Variants in LHCGR observed in about 807,000 individuals in gnomAD.
LHCGR encodes the protein lutropin-choriogonadotropic hormone receptor.
In LHCGR, 55 loss-of-function variants were observed where a neutral mutation model predicts 60.7. The ratio of observed to expected loss-of-function variants is 0.91; its 90% CI spans 0.73 to 1.13. LHCGR has a LOEUF of 1.13. Among genes scored for constraint, LHCGR ranks in the 50% most tolerant of loss-of-function variants. The probability of loss-of-function intolerance (pLI) is 0.00; values close to 1 mark genes in which losing one functional copy is unlikely to be tolerated. For synonymous variants in LHCGR, 337 were observed against 316.5 expected (o/e 1.06, Z -0.69); for missense variants, 862 against 836.0 (o/e 1.03, Z -0.38).
rs950864978 is a variant in LHCGR, at chr2:48,687,395, A to G, written c.*302T>C. ...ACAAATTACGAAAATGAAAAAAAAGATATGCAAAATACCTCCTCAGTTTTT... is the reference window on the plus strand; with the variant it reads ...ACAAATTACGAAAATGAAAAAAAAGGTATGCAAAATACCTCCTCAGTTTTT... On this transcript the variant is annotated 3_prime_UTR_variant, in exon 11 of 11. Coordinates refer to ENST00000294954, the MANE Select transcript of LHCGR (RefSeq NM_000233.4). 3.1e-6 allele frequency: 1 copy of G among 323,122 alleles called. No individual in the cohort carries two copies. The highest frequency in any genetic ancestry group is 5.7e-6 in the Non-Finnish European group (1 of 174,772). The allele number at this position is 323,122 out of a possible 1,614,324, so 20.0% of individuals were successfully genotyped here. A position where few individuals can be genotyped will look rare whatever the true frequency, so the allele number is the denominator to read the frequency against.
At chr2:48,708,700 C>T in intron 8 of LHCGR, 1 of 585,818 alleles carries the variant, frequency 1.7e-6, no homozygotes. Flanking sequence ...GAGCCAACCC[C>T]TGCTGACACC....
At chr2:48,719,179 G>A (rs529591556) in intron 6 of LHCGR, among the ~76,000 whole-genome samples, 2 of 152,172 alleles carry the variant, frequency 1.3e-5, no homozygotes, top group East Asian at 1.9e-4. Context: ...AAAATTAGCC[G>A]GGCATGGTGG....
At chr2:48,722,170 C>T (rs1668528343) in intron 6 of LHCGR, among the ~76,000 whole-genome samples, 1 of 152,028 alleles carries the variant, frequency 6.6e-6, no homozygotes, top group Admixed American at 6.6e-5. Flanking sequence ...ATATGCTGCC[C>T]AGGATGCTGC....
At chr2:48,690,061 C>G (rs1181179885) in intron 10 of LHCGR, among the ~76,000 whole-genome samples, 1 of 152,140 alleles carries the variant, frequency 6.6e-6, no homozygotes, top group Non-Finnish European at 1.5e-5. Context: ...TCCTGATATC[C>G]TTTCTCCAAT....
At chr2:48,702,806 C>G (rs573826272) in intron 8 of LHCGR, among the ~76,000 whole-genome samples, 1 of 152,296 alleles carries the variant, frequency 6.6e-6, no homozygotes, top group East Asian at 1.9e-4. Flanking sequence ...ATCGCTCGGT[C>G]AAATGGTATT....
chr2:48,709,867 A>G (rs1419495493), intron 7 of LHCGR, among the ~76,000 whole-genome samples: 1 of 152,174 alleles, frequency 6.6e-6, no homozygotes, highest in Non-Finnish European at 1.5e-5. Flanking sequence ...GGGAGCTAGA[A>G]GAGGAATCCC....
At chr2:48,725,460 A>AT (rs1291811900) in intron 4 of LHCGR, among the ~76,000 whole-genome samples, 1 of 152,202 alleles carries the variant, frequency 6.6e-6, no homozygotes, top group Non-Finnish European at 1.5e-5. Flanking sequence ...TTTAGGACTG[A>AT]TAAAATGTTG....
intron 1 of LHCGR, among the ~76,000 whole-genome samples, chr2:48,749,562 G>A (rs1022162944): frequency 6.6e-6 from 1 of 151,978 alleles, no homozygotes; most frequent in Non-Finnish European, 1.5e-5. Flanking sequence ...ACAACATTTG[G>A]TGTAGCCACT....
At chr2:48,718,515 A>G (rs1348855062) in intron 6 of LHCGR, among the ~76,000 whole-genome samples, 1 of 152,218 alleles carries the variant, frequency 6.6e-6, no homozygotes, top group Non-Finnish European at 1.5e-5. Context: ...GTTTACAGAT[A>G]CTCAGGGTCT....
intron 1 of LHCGR, among the ~76,000 whole-genome samples, chr2:48,742,704 G>C (rs1315979280): frequency 6.6e-6 from 1 of 151,896 alleles, no homozygotes; most frequent in Non-Finnish European, 1.5e-5. Flanking sequence ...TGTGTAGAGG[G>C]AAATTTTTAG....
intron 1 of LHCGR, among the ~76,000 whole-genome samples, chr2:48,741,386 T>C (rs909702918): frequency 6.6e-6 from 1 of 152,060 alleles, no homozygotes; most frequent in African/African-American, 2.4e-5. Context: ...AGACACATAA[T>C]TGTCAGATTC....
At chr2:48,735,071 C>T (rs1255480920) in intron 1 of LHCGR, among the ~76,000 whole-genome samples, 1 of 152,216 alleles carries the variant, frequency 6.6e-6, no homozygotes, top group Admixed American at 6.5e-5. Flanking sequence ...GCAGGTGGCA[C>T]CTTGCCCAAG....
chr2:48,716,578 C>T (rs568305368), intron 6 of LHCGR, among the ~76,000 whole-genome samples: 2 of 152,268 alleles, frequency 1.3e-5, no homozygotes, highest in South Asian at 4.2e-4. Context: ...GTTTTCTTCC[C>T]CTTCTATATT....
chr2:48,741,091 G>A (rs1435356103), intron 1 of LHCGR, among the ~76,000 whole-genome samples: 1 of 152,204 alleles, frequency 6.6e-6, no homozygotes, highest in African/African-American at 2.4e-5. Flanking sequence ...AAGGGTATCA[G>A]CGATGGAAGA....
At position 48,751,653 on chromosome 2, in the gene LHCGR, G is replaced by T. The variant is rs75602372; in HGVS notation, c.161+3858C>A. On this transcript the variant is annotated intron_variant, in intron 1 of 10. Transcript: ENST00000294954. ...TTTTGGACCCTGATTTACACTGCAA[G>T]TGAGAGGAAGAGGAAGACACTCAAG... 2.6e-5 allele frequency among the ~76,000 whole-genome samples: 4 copies of T among 152,330 alleles called. No homozygotes were observed. The East Asian group carries it at 7.7e-4, about 29-fold the overall frequency.
chr2:48,688,906 C>CAAG lies in LHCGR; in HGVS notation c.948-60_948-58dup, dbSNP rs1680049321. ...GATTTTCTCTGAGTATTAAAAAATT[C>CAAG]AAGAATTATGTTTCTTTAAAGGCAA... On this transcript the variant is annotated intron_variant, in intron 10 of 10. Transcript: ENST00000294954. This position sits in a 1 kb window ranked among gnomAD's most constrained non-coding sequence, Gnocchi z 5.2. 4 of 1,512,000 alleles carry CAAG rather than the reference C, an allele frequency of 2.6e-6. No individual in the cohort carries two copies. Among genetic ancestry groups the CAAG allele is most frequent in the Non-Finnish European group, 2.7e-6 (3 of 1,091,356 alleles). The allele number at this position is 1,512,000 out of a possible 1,614,324, so 93.7% of individuals were successfully genotyped here.
chr2:48,695,041 T>A (rs979491309), intron 9 of LHCGR, among the ~76,000 whole-genome samples: 1 of 152,182 alleles, frequency 6.6e-6, no homozygotes, highest in Non-Finnish European at 1.5e-5. Context: ...TGATTAGTGA[T>A]GATGAGCATT....
chr2:48,711,202 A>G (rs7605712), intron 7 of LHCGR, among the ~76,000 whole-genome samples: 63,506 of 152,106 alleles, frequency 0.42, 13,643 homozygotes, highest in Admixed American at 0.5. Flanking sequence ...GCCATCCTGG[A>G]TACCTTGCCT....
rs754148623 is a variant in LHCGR at position 48,688,816 on chromosome 2, A to T, written c.981T>A (p.Ser327Arg). ...YSSMLAESEL[S>R]GWDYEYGFCL... Reference sequence around the variant, plus strand: ...AGAAACCATATTCATAGTCCCAGCCACTCAGTTCACTCTCAGCAAGCATGG... The same window carrying T: ...AGAAACCATATTCATAGTCCCAGCCTCTCAGTTCACTCTCAGCAAGCATGG... Residue 327 changes from serine to arginine, a missense_variant, in exon 11 of 11, where the codon AGT (serine) becomes AGA (arginine). By Grantham distance (110) the Ser-to-Arg change is moderately radical. Transcript: ENST00000294954. The surrounding 1 kb of genome is among the most constrained non-coding windows in gnomAD (Gnocchi z 5.2). 6.2e-7 allele frequency: 1 copy of T among 1,614,114 alleles called. No individual in the cohort carries two copies. Among genetic ancestry groups the T allele is most frequent in the Non-Finnish European group, 8.5e-7 (1 of 1,180,016 alleles).
Sources: allele counts gnomAD v4.1 joint callset (sites outside exome capture counted in the v4.1 genomes callset), GRCh38; gene constraint gnomAD v4.1.1; non-coding constraint Gnocchi (gnomAD v3.1); transcripts MANE v1.5; gene names NCBI Gene and HGNC (gene_info 2026-07-23, HGNC 2026-07-21).